LINGO1: variants seen among roughly 807,000 people sequenced by gnomAD.
LINGO1 encodes leucine rich repeat and Ig domain containing 1.
In LINGO1, 11 loss-of-function variants were observed where a neutral mutation model predicts 37.3. The observed-to-expected ratio is 0.29, with a 90% CI of 0.19 to 0.49. The LOEUF (loss-of-function observed/expected upper bound fraction) is 0.49. Ranked by LOEUF, LINGO1 falls within the 20% of genes least tolerant of loss-of-function variation. LINGO1 has a pLI of 0.99. For synonymous variants in LINGO1, 387 were observed against 403.0 expected (o/e 0.96, Z 0.48); for missense variants, 585 against 878.2 (o/e 0.67, Z 4.22).
At chr15:77,659,855 G>A (rs1307719212) in intron 3 of LINGO1, among the ~76,000 whole-genome samples, 1 of 151,826 alleles carries the variant, frequency 6.6e-6, no homozygotes, top group Non-Finnish European at 1.5e-5. Flanking sequence ...GCTGGGGTGG[G>A]GTGGGGTGGG....
At position 77,657,940 on chromosome 15, in the gene LINGO1, C is replaced by T. The variant is rs185217758; in HGVS notation, c.-13+19149G>A. On this transcript the variant is annotated intron_variant, in intron 3 of 3. Transcript: ENST00000559893. ...AAAATGTGTCAGATTTTTAAAAAAC[C>T]GCACACACACACAAATGCCAGTCCC... 1.7e-4 allele frequency among the ~76,000 whole-genome samples: 26 copies of T among 152,290 alleles called. No individual in the cohort carries two copies. The East Asian group carries it at 3.3e-3, about 19-fold the overall frequency.
intron 3 of LINGO1, among the ~76,000 whole-genome samples, chr15:77,663,789 G>T (rs1455665053): frequency 4.6e-5 from 7 of 152,216 alleles, no homozygotes; most frequent in Admixed American, 4.6e-4. Context: ...GGGTCGAGTG[G>T]GGGATGGGGA....
At chr15:77,644,025 C>A (rs147379694) in intron 3 of LINGO1, among the ~76,000 whole-genome samples, 111 of 152,356 alleles carry the variant, frequency 7.3e-4, no homozygotes, top group Middle Eastern at 3.4e-3. Flanking sequence ...ATCAGAGCCA[C>A]GGGGCAGGGC....
At chr15:77,792,166 C>T (rs1425665472) in intron 2 of LINGO1, among the ~76,000 whole-genome samples, 1 of 152,244 alleles carries the variant, frequency 6.6e-6, no homozygotes, top group Non-Finnish European at 1.5e-5. Context: ...CAAACCCACG[C>T]TCCACCCCTG....
intron 1 of LINGO1, among the ~76,000 whole-genome samples, chr15:77,766,550 C>G (rs1487584293): frequency 6.6e-6 from 1 of 152,160 alleles, no homozygotes; most frequent in African/African-American, 2.4e-5. Context: ...AAGGCAGGGC[C>G]AGGTAGAGGT....
intron 3 of LINGO1, among the ~76,000 whole-genome samples, chr15:77,664,872 G>A (rs2075096392): frequency 6.6e-6 from 1 of 152,200 alleles, no homozygotes; most frequent in Non-Finnish European, 1.5e-5. Context: ...AGGGGCTCTT[G>A]TACACACATA....
At chr15:77,633,165 C>T (rs62009130), upstream of LINGO1, among the ~76,000 whole-genome samples, 1,708 of 151,792 alleles carry the variant, frequency 0.011, 16 homozygotes, top group Middle Eastern at 0.018. Context: ...TCCAGCTCTG[C>T]ACACGGCCGC....
intron 2 of LINGO1, among the ~76,000 whole-genome samples, chr15:77,709,817 A>T (rs1249755757): frequency 2.0e-5 from 3 of 152,222 alleles, no homozygotes; most frequent in Non-Finnish European, 4.4e-5. Flanking sequence ...ACGGTGTACA[A>T]GGCCCTGGTA....
chr15:77,701,660 G>C (rs930305909), intron 2 of LINGO1, among the ~76,000 whole-genome samples: 5 of 152,042 alleles, frequency 3.3e-5, no homozygotes, highest in Non-Finnish European at 7.4e-5. Context: ...CACTCTATTA[G>C]TTCCCATGAG....
chr15:77,701,140 T>A (rs1368174612), upstream of LINGO1, among the ~76,000 whole-genome samples: 1 of 152,224 alleles, frequency 6.6e-6, no homozygotes, highest in African/African-American at 2.4e-5. Context: ...AGAGCTGGGA[T>A]GCACACTTAG....
intron 1 of LINGO1, among the ~76,000 whole-genome samples, chr15:77,764,085 C>T (rs1037029154): frequency 3.3e-5 from 5 of 152,188 alleles, no homozygotes; most frequent in African/African-American, 9.7e-5. Flanking sequence ...AACGCATTTT[C>T]CCCCACAGCA....
chr15:77,634,766 C>T (rs576387025), upstream of LINGO1, among the ~76,000 whole-genome samples: 353 of 152,104 alleles, frequency 2.3e-3, 2 homozygotes, highest in African/African-American at 8.1e-3. Context: ...CCCAGCCCCC[C>T]CACCCCGGCT....
intron 1 of LINGO1, among the ~76,000 whole-genome samples, chr15:77,740,988 T>C (rs1267938465): frequency 6.6e-6 from 1 of 152,142 alleles, no homozygotes; most frequent in Non-Finnish European, 1.5e-5. Context: ...GGCTCAGGCA[T>C]TCCCAGCCCC....
At chr15:77,787,053 A>T (rs1049607559), upstream of LINGO1, 1 of 152,262 alleles carries the variant, frequency 6.6e-6, no homozygotes, top group Admixed American at 6.5e-5. Context: ...TCCAACTGGG[A>T]CAGACCCAAG....
intron 3 of LINGO1, among the ~76,000 whole-genome samples, chr15:77,656,003 C>A (rs749531539): frequency 1.3e-5 from 2 of 152,224 alleles, no homozygotes; most frequent in Non-Finnish European, 2.9e-5. Flanking sequence ...GGACTCCTGC[C>A]CCTGCTGGGA....
intron 1 of LINGO1, among the ~76,000 whole-genome samples, chr15:77,804,478 C>T (rs372319709): frequency 6.6e-6 from 1 of 152,154 alleles, no homozygotes; most frequent in Non-Finnish European, 1.5e-5. Flanking sequence ...AGCTCCCCAT[C>T]GGGGAGGGCG....
upstream of LINGO1, chr15:77,787,872 C>T (rs2076787218): frequency 1.3e-5 from 2 of 152,182 alleles, no homozygotes; most frequent in Admixed American, 1.3e-4. Context: ...TGCTTCCTCA[C>T]CATCTCCTCT....
intron 3 of LINGO1, among the ~76,000 whole-genome samples, chr15:77,656,551 C>T (rs1435527493): frequency 1.3e-5 from 2 of 152,170 alleles, no homozygotes; most frequent in African/African-American, 2.4e-5. Context: ...TCAGAGGGGC[C>T]TTGGGGTCTG....
chr15:77,801,662 A>C (rs1024626502), intron 1 of LINGO1, among the ~76,000 whole-genome samples: 1 of 151,986 alleles, frequency 6.6e-6, no homozygotes, highest in Non-Finnish European at 1.5e-5. Flanking sequence ...CTCTGGCTAA[A>C]GGGGGAGGGG....
Sources: gnomAD v4.1 joint callset for allele counts (sites outside exome capture counted in the v4.1 genomes callset) on GRCh38, gnomAD v4.1.1 for gene constraint, MANE v1.5 for transcripts, NCBI Gene and HGNC (gene_info 2026-07-23, HGNC 2026-07-21) for gene names.